The following DDAH1 variants were observed in gnomAD, a reference collection of about 807,000 sequenced individuals.
DDAH1 encodes the protein dimethylarginine dimethylaminohydrolase 1, also known as N(G),N(G)-dimethylarginine dimethylaminohydrolase 1.
Under a neutral mutation model 28.8 loss-of-function variants are expected in DDAH1, and 19 were observed. The ratio of observed to expected loss-of-function variants is 0.66; its 90% CI spans 0.46 to 0.97. The LOEUF (loss-of-function observed/expected upper bound fraction) is 0.97, where lower values mean the gene tolerates loss of function less well. Ranked by LOEUF, DDAH1 falls within the 50% of genes least tolerant of loss-of-function variation. The pLI is 0.00. For synonymous variants in DDAH1, 153 were observed against 154.4 expected, an observed-to-expected ratio of 0.99 and a Z score of 0.07; for missense variants, 326 against 375.9, an observed-to-expected ratio of 0.87 and a Z score of 1.10.
chr1:85,408,751 C>T (rs1468733565), intron 1 of DDAH1, among the ~76,000 whole-genome samples: 2 of 152,096 alleles, frequency 1.3e-5, no homozygotes, highest in Non-Finnish European at 2.9e-5. Flanking sequence ...TTTTAACTTA[C>T]TTCACTCTTG....
At chr1:85,362,132 C>G (rs375223124) in intron 1 of DDAH1, among the ~76,000 whole-genome samples, 1 of 151,106 alleles carries the variant, frequency 6.6e-6, no homozygotes, top group Non-Finnish European at 1.5e-5. Context: ...TTTTTTTTTG[C>G]AAAGCCAGTA....
chr1:85,402,435 CAAAATATTTTCA>C (rs1652158804), intron 1 of DDAH1, among the ~76,000 whole-genome samples: 1 of 152,038 alleles, frequency 6.6e-6, no homozygotes, highest in Non-Finnish European at 1.5e-5. Flanking sequence ...TTCTTATAGA[CAAAATATTTTCA>C]AAAATATTTT....
At chr1:85,466,044 G>T (rs1466868530), upstream of DDAH1, among the ~76,000 whole-genome samples, 1 of 152,196 alleles carries the variant, frequency 6.6e-6, no homozygotes, top group African/African-American at 2.4e-5. Context: ...CCAAGGCCCA[G>T]GCTACAGCCT....
intron 1 of DDAH1, among the ~76,000 whole-genome samples, chr1:85,576,427 G>A (rs1659606162): frequency 6.6e-6 from 1 of 152,216 alleles, no homozygotes; most frequent in Non-Finnish European, 1.5e-5. Flanking sequence ...ACTTCTCGAG[G>A]AGGAAGAGGG....
At chr1:85,345,701 C>G (rs1648801227) in intron 4 of DDAH1, among the ~76,000 whole-genome samples, 1 of 152,112 alleles carries the variant, frequency 6.6e-6, no homozygotes, top group African/African-American at 2.4e-5. Flanking sequence ...CCCATCTCTA[C>G]TAAAAATTCA....
At chr1:85,545,019 A>C (rs1658579088) in intron 1 of DDAH1, among the ~76,000 whole-genome samples, 1 of 152,190 alleles carries the variant, frequency 6.6e-6, no homozygotes, top group South Asian at 2.1e-4. Flanking sequence ...GAGCTGCAAA[A>C]TCTAACATTA....
intron 4 of DDAH1, among the ~76,000 whole-genome samples, chr1:85,331,212 C>T (rs1346087629): frequency 1.3e-5 from 2 of 152,204 alleles, no homozygotes; most frequent in African/African-American, 4.8e-5. Flanking sequence ...CGACTGAAAG[C>T]CCACTCCATT....
rs5775855 is a variant in DDAH1 at position 85,535,016 on chromosome 1, C to CT, written c.-122-38736dup. Among the ~76,000 whole-genome samples, 573 of 147,282 alleles carry CT rather than the reference C, an allele frequency of 3.9e-3. 3 individuals are homozygous for CT. The highest frequency in any genetic ancestry group is 0.01 in the Middle Eastern group (3 of 286). On this transcript the variant is annotated intron_variant, in intron 1 of 6. Coordinates refer to the DDAH1 transcript ENST00000426972. Reference sequence around the variant, plus strand: ...GTGGGAGTGGATGTGCTTAGCAATTCTTTTTTTTTTTCCCGTGGAAATGAG... The same window carrying CT: ...GTGGGAGTGGATGTGCTTAGCAATTCTTTTTTTTTTTTCCCGTGGAAATGAG...
chr1:85,373,485 T>C (rs1650496375), intron 1 of DDAH1, among the ~76,000 whole-genome samples: 1 of 152,120 alleles, frequency 6.6e-6, no homozygotes, highest in African/African-American at 2.4e-5. Flanking sequence ...CTCGTGACAA[T>C]GAGTGAGTTC....
At chr1:85,518,910 A>T (rs1335815793) in intron 1 of DDAH1, among the ~76,000 whole-genome samples, 1 of 152,092 alleles carries the variant, frequency 6.6e-6, no homozygotes, top group African/African-American at 2.4e-5. Context: ...CATAGCAATT[A>T]CTCAGAAAAT....
intron 1 of DDAH1, among the ~76,000 whole-genome samples, chr1:85,406,854 C>T (rs983289616): frequency 6.6e-6 from 1 of 151,804 alleles, no homozygotes; most frequent in Admixed American, 6.6e-5. Context: ...ATATTAAAAA[C>T]TATTATATTA....
rs556320604 is a variant in DDAH1 at position 85,450,316 on chromosome 1, G to T, written c.303+14427C>A. Reference sequence around the variant, plus strand: ...AAAGTAGTGTCACCCTTTCTTACAGGTGACAAACCTGTATCAAAAGTTTTT... The same window carrying T: ...AAAGTAGTGTCACCCTTTCTTACAGTTGACAAACCTGTATCAAAAGTTTTT... On this transcript the variant is annotated intron_variant, in intron 1 of 5. Coordinates refer to ENST00000284031, the MANE Select transcript of DDAH1 (RefSeq NM_012137.4). Among the ~76,000 whole-genome samples the T allele has an allele frequency of 3.3e-5, 5 of 152,244 alleles. No homozygotes were observed. The South Asian group carries it at 1.0e-3, about 32-fold the overall frequency.
At chr1:85,414,753 T>C (rs928205294) in intron 1 of DDAH1, among the ~76,000 whole-genome samples, 1 of 152,164 alleles carries the variant, frequency 6.6e-6, no homozygotes, top group Non-Finnish European at 1.5e-5. Context: ...TCTATTTTAT[T>C]GTTCTTTGAA....
intron 1 of DDAH1, among the ~76,000 whole-genome samples, chr1:85,569,649 G>C (rs1222027309): frequency 6.6e-6 from 1 of 152,158 alleles, no homozygotes; most frequent in Non-Finnish European, 1.5e-5. Flanking sequence ...GCAGCTCTTG[G>C]AAAAAGCATT....
At chr1:85,346,888 G>A (rs1374820158) in intron 4 of DDAH1, among the ~76,000 whole-genome samples, 2 of 152,056 alleles carry the variant, frequency 1.3e-5, no homozygotes, top group African/African-American at 2.4e-5. Flanking sequence ...TTAATATCCA[G>A]AATCTACAAA....
intron 1 of DDAH1, among the ~76,000 whole-genome samples, chr1:85,444,289 T>C (rs778561335): frequency 6.6e-6 from 1 of 152,344 alleles, no homozygotes; most frequent in South Asian, 2.1e-4. Context: ...GCTTTTGTCT[T>C]TGGTTCTGTT....
chr1:85,521,721 A>G, intron 1 of DDAH1: 1 of 912,770 alleles, frequency 1.1e-6, no homozygotes, highest in Non-Finnish European at 1.3e-6. Flanking sequence ...CTCTCTGTGA[A>G]TCCATAATCC....
upstream of DDAH1, chr1:85,465,178 C>T: frequency 1.8e-6 from 2 of 1,141,934 alleles, no homozygotes; most frequent in Non-Finnish European, 2.1e-6. Flanking sequence ...AGGAGCCCAG[C>T]TCGCGCCCGG....
intron 1 of DDAH1, among the ~76,000 whole-genome samples, chr1:85,549,410 G>A (rs1404916231): frequency 6.6e-6 from 1 of 152,094 alleles, no homozygotes; most frequent in African/African-American, 2.4e-5. Flanking sequence ...AAGAGGCCTG[G>A]GATTTTACAT....
Sources: allele counts gnomAD v4.1 joint callset (sites outside exome capture counted in the v4.1 genomes callset), GRCh38; gene constraint gnomAD v4.1.1; transcripts MANE v1.5; gene names NCBI Gene and HGNC (gene_info 2026-07-23, HGNC 2026-07-21).